The following TOP6BL variants were observed in gnomAD, a reference collection of about 807,000 sequenced individuals.
TOP6BL encodes type 2 DNA topoisomerase 6 subunit B-like.
At chr11:66,764,762 G>A in the TOP6BL span, among the ~76,000 whole-genome samples, 4 of 151,866 alleles carry the variant, frequency 2.6e-5, no homozygotes, top group African/African-American at 7.2e-5. Flanking sequence ...CAGATTGCTC[G>A]AGCCTTGGGC....
the TOP6BL span, chr11:66,788,120 A>G: frequency 1.4e-6 from 2 of 1,436,262 alleles, no homozygotes; most frequent in Admixed American, 1.7e-5. Flanking sequence ...TTCTTATCCA[A>G]ACTGCTTGTT....
At chr11:66,754,086 A>G in the TOP6BL span, among the ~76,000 whole-genome samples, 3 of 152,224 alleles carry the variant, frequency 2.0e-5, no homozygotes, top group Non-Finnish European at 4.4e-5. Flanking sequence ...GTTCAGGAAG[A>G]AGGAGAATGG....
chr11:66,784,956 C>CTTTTTTTT, the TOP6BL span, among the ~76,000 whole-genome samples: 9 of 95,114 alleles, frequency 9.5e-5, no homozygotes, highest in Admixed American at 3.8e-4. Context: ...TCTAAGATTT[C>CTTTTTTTT]TTTTTTTTTT....
the TOP6BL span, among the ~76,000 whole-genome samples, chr11:66,773,448 A>T: frequency 6.6e-6 from 1 of 151,868 alleles, no homozygotes; most frequent in Admixed American, 6.6e-5. Context: ...AATTGTTCAT[A>T]ATTTTCCTTA....
the TOP6BL span, among the ~76,000 whole-genome samples, chr11:66,794,075 G>A: frequency 7.0e-6 from 1 of 143,404 alleles, no homozygotes; most frequent in South Asian, 2.1e-4. Flanking sequence ...TCATGCCACT[G>A]CATTCCAGCC....
the TOP6BL span, chr11:66,804,173 A>AG: frequency 6.2e-7 from 1 of 1,610,994 alleles, no homozygotes; most frequent in East Asian, 2.2e-5. Context: ...CCAGCTTAAC[A>AG]GGATTTCTTC....
the TOP6BL span, among the ~76,000 whole-genome samples, chr11:66,837,602 A>G: frequency 1.3e-4 from 19 of 151,540 alleles, no homozygotes; most frequent in South Asian, 4.0e-3. Context: ...CCACCACCAC[A>G]GCCAGCTAAT....
the TOP6BL span, among the ~76,000 whole-genome samples, chr11:66,808,642 CAG>C: frequency 8.2e-4 from 124 of 151,878 alleles, no homozygotes; most frequent in Non-Finnish European, 1.3e-3. Context: ...AAGAACAAAA[CAG>C]AAATTGTAGA....
chr11:66,760,762 C>T, the TOP6BL span, among the ~76,000 whole-genome samples: 9 of 148,192 alleles, frequency 6.1e-5, no homozygotes, highest in African/African-American at 2.2e-4. Context: ...CGTGATCACA[C>T]ACCACTGCAC....
chr11:66,807,171 A>C, the TOP6BL span, among the ~76,000 whole-genome samples: 15 of 152,314 alleles, frequency 9.8e-5, no homozygotes, highest in African/African-American at 3.6e-4. Flanking sequence ...AAAGAGAGAG[A>C]GCTAGCTATG....
chr11:66,843,504 C>T, the TOP6BL span: 14 of 1,488,844 alleles, frequency 9.4e-6, no homozygotes, highest in Non-Finnish European at 1.2e-5. Flanking sequence ...GGTGTCGCGG[C>T]CGGAGCGGCC....
At chr11:66,838,685 A>C in the TOP6BL span, among the ~76,000 whole-genome samples, 1 of 152,062 alleles carries the variant, frequency 6.6e-6, no homozygotes, top group African/African-American at 2.4e-5. Context: ...GCTGCACATG[A>C]TGGGGTGGGG....
At chr11:66,836,073 C>T in the TOP6BL span, among the ~76,000 whole-genome samples, 2 of 152,160 alleles carry the variant, frequency 1.3e-5, no homozygotes, top group Non-Finnish European at 2.9e-5. Flanking sequence ...TTTCTTACTG[C>T]CATTCTAGTG....
At chr11:66,774,929 A>C in the TOP6BL span, among the ~76,000 whole-genome samples, 1 of 151,464 alleles carries the variant, frequency 6.6e-6, no homozygotes, top group Non-Finnish European at 1.5e-5. Flanking sequence ...CCTGGCCAAC[A>C]TGGTGAAACC....
chr11:66,763,399 G>C, the TOP6BL span, among the ~76,000 whole-genome samples: 1 of 152,054 alleles, frequency 6.6e-6, no homozygotes, highest in Non-Finnish European at 1.5e-5. Flanking sequence ...GCACATTAAT[G>C]TTTTTTGTTT....
chr11:66,817,301 A>G, the TOP6BL span, among the ~76,000 whole-genome samples: 1 of 152,064 alleles, frequency 6.6e-6, no homozygotes, highest in Non-Finnish European at 1.5e-5. Context: ...GCAACAGGGA[A>G]CCTTTGGTGT....
At chr11:66,822,553 A>G in the TOP6BL span, 4 of 1,515,750 alleles carry the variant, frequency 2.6e-6, no homozygotes, top group African/African-American at 4.2e-5. Context: ...CTTACTTGTT[A>G]TGTTCCCCAG....
the TOP6BL span, among the ~76,000 whole-genome samples, chr11:66,782,155 G>T: frequency 1.3e-5 from 2 of 151,998 alleles, no homozygotes; most frequent in Admixed American, 6.6e-5. Flanking sequence ...AGACTTTTTT[G>T]GGGTGGGTCT....
the TOP6BL span, chr11:66,758,302 C>CTTTTCTTTTTTTTTTTTTTTT: frequency 2.1e-4 from 14 of 67,318 alleles, no homozygotes; most frequent in East Asian, 1.5e-3. Flanking sequence ...TTTTCTTTTT[C>CTTTTCTTTTTTTTTTTTTTTT]TTTTTTTTTT....
Sources: allele counts gnomAD v4.1 joint callset (sites outside exome capture counted in the v4.1 genomes callset), GRCh38; gene constraint gnomAD v4.1.1; transcripts MANE v1.5; gene names NCBI Gene and HGNC (gene_info 2026-07-23, HGNC 2026-07-21).